KREMEN1: variants seen among roughly 807,000 people sequenced by gnomAD.
KREMEN1 encodes kremen protein 1.
In KREMEN1, 30 loss-of-function variants were observed where a neutral mutation model predicts 46.5. That is an observed-to-expected ratio of 0.65 (90% CI 0.48 to 0.88). The LOEUF (loss-of-function observed/expected upper bound fraction) is 0.88. KREMEN1 is among the 40% of genes least tolerant of loss of function. KREMEN1 has a pLI of 0.00. For missense variants in KREMEN1, 533 were observed against 596.9 expected (o/e 0.89, Z 1.11); for synonymous variants, 214 against 230.6 (o/e 0.93, Z 0.65).
chr22:29,080,393 T>C (rs2037634997), intron 1 of KREMEN1, among the ~76,000 whole-genome samples: 1 of 152,064 alleles, frequency 6.6e-6, no homozygotes, highest in South Asian at 2.1e-4. Context: ...TTGGAAAAAG[T>C]TTAGTTGGAG....
chr22:29,094,175 A>T, intron 1 of KREMEN1, 83 bp from the exon 2 acceptor site: 13 of 1,253,144 alleles, frequency 1.0e-5, no homozygotes, highest in Non-Finnish European at 1.5e-5. Flanking sequence ...CTTGGTCCAA[A>T]CAAAACAAAA....
chr22:29,085,160 A>G (rs2037710233), intron 1 of KREMEN1, among the ~76,000 whole-genome samples: 2 of 152,246 alleles, frequency 1.3e-5, no homozygotes, highest in Non-Finnish European at 2.9e-5. Context: ...GCTAAGGTAG[A>G]TTAATTTCAA....
At chr22:29,131,638 A>ATG (rs1159415924) in intron 5 of KREMEN1, among the ~76,000 whole-genome samples, 3 of 125,768 alleles carry the variant, frequency 2.4e-5, no homozygotes, top group Non-Finnish European at 4.7e-5. Context: ...ATGTATATAT[A>ATG]TGTGTGTATA....
chr22:29,097,173 A>G (rs1213984459), intron 2 of KREMEN1, among the ~76,000 whole-genome samples: 2 of 152,260 alleles, frequency 1.3e-5, no homozygotes, highest in Non-Finnish European at 2.9e-5. Flanking sequence ...CAGGATCTTT[A>G]TGCCCATTTC....
rs539121825 is a variant in KREMEN1, at chr22:29,144,996, A to G, written c.*2884A>G. The stretch of plus-strand genomic sequence containing the variant: ...CGTGGAGCAGCCCCGGGAAACCCAA[A>G]TCTGGCTCAGGACAGCGTACGGGCA... On this transcript the variant is annotated 3_prime_UTR_variant, in exon 9 of 9. Transcript: ENST00000400335. 5 of 985,520 alleles carry G rather than the reference A, an allele frequency of 5.1e-6. No individual in the cohort carries two copies. The highest frequency in any genetic ancestry group is 6.1e-5 in the Admixed American group (1 of 16,290). 61.0% of individuals were successfully genotyped at this position (985,520 alleles called of 1,614,324 possible). A position where few individuals can be genotyped will look rare whatever the true frequency, so the allele number is the denominator to read the frequency against.
At chr22:29,124,193 T>C (rs945338241) in intron 4 of KREMEN1, among the ~76,000 whole-genome samples, 2 of 152,190 alleles carry the variant, frequency 1.3e-5, no homozygotes, top group Admixed American at 6.5e-5. Flanking sequence ...CAAGCTGTGA[T>C]ACATCCATAC....
intron 5 of KREMEN1, among the ~76,000 whole-genome samples, chr22:29,127,555 C>T (rs551066635): frequency 6.6e-5 from 10 of 152,098 alleles, no homozygotes; most frequent in African/African-American, 1.9e-4. Context: ...CCCAGCTACT[C>T]GGGAGGCTGA....
At chr22:29,150,441 C>T (rs952500241), downstream of KREMEN1, among the ~76,000 whole-genome samples, 2 of 152,218 alleles carry the variant, frequency 1.3e-5, no homozygotes, top group African/African-American at 2.4e-5. Flanking sequence ...CCAGAGTAAC[C>T]CCTCCGGGAG....
At position 29,137,636 on chromosome 22, in the gene KREMEN1, G is replaced by T. The variant is rs774061833; in HGVS notation, c.926G>T (p.Arg309Leu). ...DFVILYFFSD[R>L]INQAQGFAVL... ...GTCATCTTGTATTTCTTCTCTGATC[G>T]CATCAATCAGGCCCAGGGATTTGCT... Residue 309 changes from arginine to leucine, a missense_variant, in exon 6 of 9, where the codon CGC becomes CTC. Transcript: ENST00000400335. The T allele has an allele frequency of 2.5e-6, 4 of 1,607,286 alleles. No individual in the cohort carries two copies. Among genetic ancestry groups the T allele is most frequent in the African/African-American group, 2.7e-5 (2 of 74,934 alleles).
chr22:29,119,663 G>T (rs1204924956), intron 3 of KREMEN1, among the ~76,000 whole-genome samples: 1 of 152,180 alleles, frequency 6.6e-6, no homozygotes, highest in Admixed American at 6.5e-5. Flanking sequence ...AATCATTGAG[G>T]TACATCTTTG....
At chr22:29,139,210 G>A (rs1268162641) in intron 7 of KREMEN1, among the ~76,000 whole-genome samples, 3 of 152,180 alleles carry the variant, frequency 2.0e-5, no homozygotes, top group African/African-American at 7.2e-5. Context: ...GGATTATAGA[G>A]TGAACCAAAC....
At position 29,165,321 on chromosome 22, in the gene KREMEN1, G is replaced by C. The variant is rs192543387; in HGVS notation, c.1417-1723G>C. Among the ~76,000 whole-genome samples, 880 of 151,954 alleles carry C rather than the reference G, an allele frequency of 5.8e-3. 4 individuals are homozygous for C. Among genetic ancestry groups the C allele is most frequent in the Middle Eastern group, 0.01 (3 of 294 alleles). On this transcript the variant is annotated intron_variant, in intron 9 of 9. Transcript: ENST00000327813. ...CGGAGGCTGAGACGGGAGATTCCTT[G>C]AGCCCAGGAGTTCAAAGGTACAGTG...
intron 2 of KREMEN1, among the ~76,000 whole-genome samples, chr22:29,095,768 G>T (rs1235818863): frequency 6.6e-6 from 1 of 151,658 alleles, no homozygotes; most frequent in Non-Finnish European, 1.5e-5. Context: ...TTTAGTCTAT[G>T]TTTTCTTTAT....
intron 4 of KREMEN1, among the ~76,000 whole-genome samples, chr22:29,123,667 G>GTAGTCC (rs1240288653): frequency 5.9e-5 from 9 of 152,172 alleles, no homozygotes; most frequent in Non-Finnish European, 1.2e-4. Flanking sequence ...TAGCACACCT[G>GTAGTCC]TAGTCCCAGT....
chr22:29,159,456 TA>T (rs1416129113), intron 9 of KREMEN1, among the ~76,000 whole-genome samples: 1 of 151,644 alleles, frequency 6.6e-6, no homozygotes, highest in African/African-American at 2.4e-5. Context: ...CTATCTCTAC[TA>T]AAAATACAAA....
At chr22:29,101,867 G>A (rs939598805) in intron 3 of KREMEN1, among the ~76,000 whole-genome samples, 2 of 152,152 alleles carry the variant, frequency 1.3e-5, no homozygotes, top group Admixed American at 1.3e-4. Flanking sequence ...TTCTCAGAGC[G>A]AAACCTTGCC....
intron 1 of KREMEN1, among the ~76,000 whole-genome samples, chr22:29,091,812 A>G (rs1368020961): frequency 1.3e-5 from 2 of 152,310 alleles, no homozygotes; most frequent in East Asian, 3.9e-4. Flanking sequence ...AGGGCAGAAA[A>G]ATAGGAGTAA....
intron 2 of KREMEN1, among the ~76,000 whole-genome samples, chr22:29,096,589 A>G (rs2037886559): frequency 6.6e-6 from 1 of 152,160 alleles, no homozygotes; most frequent in Non-Finnish European, 1.5e-5. Flanking sequence ...GACCTGAACT[A>G]TTTAATACCA....
intron 1 of KREMEN1, among the ~76,000 whole-genome samples, chr22:29,083,398 A>G (rs1389274798): frequency 6.6e-6 from 1 of 152,200 alleles, no homozygotes; most frequent in Non-Finnish European, 1.5e-5. Context: ...TAATCTCTAC[A>G]TATTATAGAC....
Sources: allele counts gnomAD v4.1 joint callset (sites outside exome capture counted in the v4.1 genomes callset), GRCh38; gene constraint gnomAD v4.1.1; transcripts MANE v1.5; gene names NCBI Gene and HGNC (gene_info 2026-07-23, HGNC 2026-07-21).